MAP4K5: variants seen among roughly 807,000 people sequenced by gnomAD.
The protein encoded by MAP4K5 is mitogen-activated protein kinase kinase kinase kinase 5, also known as MAPK/ERK kinase kinase kinase 5.
A neutral mutation model predicts 135.6 loss-of-function variants in MAP4K5; 82 were observed. The observed-to-expected ratio is 0.60, with a 90% CI of 0.51 to 0.73. MAP4K5 has a LOEUF of 0.73. MAP4K5 is among the 30% of genes least tolerant of loss of function. MAP4K5 has a pLI of 0.00. For missense variants in MAP4K5, 907 were observed against 1,010.9 expected, an observed-to-expected ratio of 0.90 and a Z score of 1.39; for synonymous variants, 347 against 335.0, an observed-to-expected ratio of 1.04 and a Z score of -0.39.
At chr14:50,428,470 C>G (rs556386544) in intron 30 of MAP4K5, among the ~76,000 whole-genome samples, 192 bp downstream of exon 30, 1 of 152,014 alleles carries the variant, frequency 6.6e-6, no homozygotes, top group African/African-American at 2.4e-5. Context: ...GTTGGCCAGG[C>G]TGGTCTTGAA....
upstream of MAP4K5, among the ~76,000 whole-genome samples, chr14:50,534,672 ACT>A (rs772048208): frequency 4.6e-5 from 7 of 152,094 alleles, no homozygotes; most frequent in Non-Finnish European, 7.4e-5. Flanking sequence ...AAAAGTCAAG[ACT>A]CTATGTGGTG....
intron 30 of MAP4K5, among the ~76,000 whole-genome samples, chr14:50,428,118 G>C (rs1222128700): frequency 3.3e-5 from 5 of 152,210 alleles, no homozygotes; most frequent in Non-Finnish European, 7.3e-5. Flanking sequence ...TGTGCAATAT[G>C]AGAGCAAGAA....
At chr14:50,464,168 C>T (rs2036779214) in intron 11 of MAP4K5, 35 bp from the exon 12 acceptor site, 5 of 1,018,464 alleles carry the variant, frequency 4.9e-6, no homozygotes, top group Non-Finnish European at 7.5e-6. Flanking sequence ...AAATATTTCA[C>T]TACTATTACG....
At chr14:50,474,218 T>C (rs2037043323) in intron 9 of MAP4K5, among the ~76,000 whole-genome samples, 1 of 151,930 alleles carries the variant, frequency 6.6e-6, no homozygotes, top group African/African-American at 2.4e-5. Context: ...AAACCCTGTC[T>C]CTACAAAAAA....
At chr14:50,444,905 G>A in intron 18 of MAP4K5, 136 bp downstream of exon 18, 1 of 934,518 alleles carries the variant, frequency 1.1e-6, no homozygotes, top group Middle Eastern at 3.1e-4. Flanking sequence ...AGCTATAATA[G>A]GATTGACTAA....
intron 28 of MAP4K5, among the ~76,000 whole-genome samples, chr14:50,431,494 T>C (rs949235158): frequency 6.6e-6 from 1 of 152,042 alleles, no homozygotes; most frequent in Non-Finnish European, 1.5e-5. Context: ...TGAGTGAGAA[T>C]ATGTGGTGTT....
At position 50,440,123 on chromosome 14, in the gene MAP4K5, T is replaced by C. The variant is rs745832649; in HGVS notation, c.1645-50A>G. On this transcript the variant is annotated intron_variant, in intron 22 of 32. Transcript: ENST00000682126. ...TTCTCTCATTGTCATTATTTTAATC[T>C]TTTAAATTCCAACATTCTGAAATCA... The C allele has an allele frequency of 1.2e-5, 14 of 1,140,292 alleles. No individual in the cohort carries two copies. In the East Asian group the frequency reaches 3.6e-4, roughly 29 times the overall value. 70.6% of individuals were successfully genotyped at this position (1,140,292 alleles called of 1,614,324 possible).
chr14:50,445,632 C>T (rs1384982273), intron 17 of MAP4K5, among the ~76,000 whole-genome samples: 2 of 152,238 alleles, frequency 1.3e-5, no homozygotes, highest in South Asian at 2.1e-4. Context: ...TGCAGTGGCA[C>T]GATCTCAGCT....
At chr14:50,530,639 A>C (rs1213440148) in intron 2 of MAP4K5, among the ~76,000 whole-genome samples, 1 of 152,250 alleles carries the variant, frequency 6.6e-6, no homozygotes, top group African/African-American at 2.4e-5. Context: ...CATAAAGAAG[A>C]AGAGGATTGT....
At chr14:50,527,660 T>C (rs1312149656) in intron 2 of MAP4K5, among the ~76,000 whole-genome samples, 2 of 152,136 alleles carry the variant, frequency 1.3e-5, no homozygotes, top group African/African-American at 4.8e-5. Context: ...TTATTGAGCA[T>C]TTGTTTGTTA....
intron 3 of MAP4K5, among the ~76,000 whole-genome samples, chr14:50,502,483 C>A (rs1661423089): frequency 6.6e-6 from 1 of 152,018 alleles, no homozygotes; most frequent in Non-Finnish European, 1.5e-5. Context: ...GCGAGAAATA[C>A]CATAAATATG....
chr14:50,482,702 G>A (rs542855186), intron 5 of MAP4K5: 32 of 241,796 alleles, frequency 1.3e-4, no homozygotes, highest in Non-Finnish European at 2.3e-4. Context: ...GCTTGAACCC[G>A]GGAGGCAGGG....
chr14:50,560,649 G>A (rs2038828922), intron 1 of MAP4K5: 1 of 353,098 alleles, frequency 2.8e-6, no homozygotes, highest in Non-Finnish European at 5.4e-6. Flanking sequence ...GGAAGGCTAT[G>A]GGGGTGGGCA....
intron 6 of MAP4K5, among the ~76,000 whole-genome samples, chr14:50,479,076 T>C (rs942504774): frequency 6.6e-6 from 1 of 151,788 alleles, no homozygotes; most frequent in African/African-American, 2.4e-5. Flanking sequence ...TGTGGGCCCA[T>C]ATTAATAGTT....
intron 2 of MAP4K5, among the ~76,000 whole-genome samples, chr14:50,511,430 G>A (rs987769293): frequency 4.6e-5 from 7 of 152,084 alleles, no homozygotes; most frequent in African/African-American, 1.7e-4. Context: ...GAGGAATAGG[G>A]AGAAATTTGT....
chr14:50,525,804 A>G (rs1211170083), intron 2 of MAP4K5, among the ~76,000 whole-genome samples: 2 of 152,222 alleles, frequency 1.3e-5, no homozygotes, highest in African/African-American at 4.8e-5. Flanking sequence ...AGATCATGCC[A>G]CTACACTGCA....
At chr14:50,558,368 C>G (rs1364893416) in intron 1 of MAP4K5, among the ~76,000 whole-genome samples, 1 of 152,112 alleles carries the variant, frequency 6.6e-6, no homozygotes, top group African/African-American at 2.4e-5. Flanking sequence ...GGAAAACAAA[C>G]AAACAACAGA....
At chr14:50,554,381 A>G (rs1190750257) in intron 1 of MAP4K5, among the ~76,000 whole-genome samples, 1 of 152,206 alleles carries the variant, frequency 6.6e-6, no homozygotes, top group Non-Finnish European at 1.5e-5. Context: ...TGTGGCTTGT[A>G]CGCACAAGCC....
chr14:50,494,896 T>G (rs1025700058), intron 3 of MAP4K5, among the ~76,000 whole-genome samples: 1 of 152,138 alleles, frequency 6.6e-6, no homozygotes, highest in Non-Finnish European at 1.5e-5. Context: ...AAGAATAAAG[T>G]TGGACCCCTG....
Sources: gnomAD v4.1 joint callset for allele counts (sites outside exome capture counted in the v4.1 genomes callset) on GRCh38, gnomAD v4.1.1 for gene constraint, MANE v1.5 for transcripts, NCBI Gene and HGNC (gene_info 2026-07-23, HGNC 2026-07-21) for gene names.